Variants in PPFIA2 observed in about 807,000 individuals in gnomAD.
PPFIA2 encodes the protein liprin-alpha-2.
Under a neutral mutation model 175.5 loss-of-function variants are expected in PPFIA2, and 46 were observed. The observed-to-expected ratio is 0.26, with a 90% CI of 0.21 to 0.34. PPFIA2 has a LOEUF of 0.34. Ranked by LOEUF, PPFIA2 falls within the 10% of genes least tolerant of loss-of-function variation. The probability of loss-of-function intolerance (pLI) is 1.00; values close to 1 mark genes in which losing one functional copy is unlikely to be tolerated. For missense variants in PPFIA2, 1,179 were observed against 1,506.1 expected (o/e 0.78, Z 3.60); for synonymous variants, 568 against 511.4 (o/e 1.11, Z -1.49).
At chr12:81,604,758 T>C (rs918630637) in intron 4 of PPFIA2, among the ~76,000 whole-genome samples, 1 of 151,764 alleles carries the variant, frequency 6.6e-6, no homozygotes, top group African/African-American at 2.4e-5. Context: ...TCTTAAGATG[T>C]ATCTTTTCCA....
At chr12:81,405,322 A>G (rs2142903631) in intron 8 of PPFIA2, among the ~76,000 whole-genome samples, 1 of 152,152 alleles carries the variant, frequency 6.6e-6, no homozygotes, top group South Asian at 2.1e-4. Context: ...ATTACCAACA[A>G]TTTTCGCAGT....
At chr12:81,728,260 G>C (rs1258324680) in intron 3 of PPFIA2, among the ~76,000 whole-genome samples, 1 of 151,280 alleles carries the variant, frequency 6.6e-6, no homozygotes, top group Non-Finnish European at 1.5e-5. Context: ...GGCTAAGAAT[G>C]GTTGAGAGTA....
intron 4 of PPFIA2, among the ~76,000 whole-genome samples, chr12:81,460,167 G>A (rs567255424): frequency 6.6e-6 from 1 of 152,202 alleles, no homozygotes; most frequent in South Asian, 2.1e-4. Flanking sequence ...ATCCCCACGT[G>A]TCAAGGGCAG....
At chr12:81,575,883 G>A (rs1213275535) in intron 4 of PPFIA2, among the ~76,000 whole-genome samples, 2 of 151,720 alleles carry the variant, frequency 1.3e-5, no homozygotes, top group African/African-American at 2.4e-5. Context: ...GTTGACAAAG[G>A]TCCATACTCC....
At chr12:81,405,114 C>A (rs755419526) in intron 8 of PPFIA2, among the ~76,000 whole-genome samples, 6 of 152,132 alleles carry the variant, frequency 3.9e-5, no homozygotes, top group African/African-American at 7.2e-5. Flanking sequence ...AGCACAGACA[C>A]CTTTTGTCTT....
At chr12:81,626,062 A>G (rs2062666148) in intron 4 of PPFIA2, among the ~76,000 whole-genome samples, 1 of 151,740 alleles carries the variant, frequency 6.6e-6, no homozygotes, top group African/African-American at 2.4e-5. Flanking sequence ...CAAAATATAT[A>G]AAGCTCATAT....
intron 20 of PPFIA2, 84 bp from the exon 21 acceptor site, chr12:81,339,418 G>A: frequency 9.4e-7 from 1 of 1,064,468 alleles, no homozygotes; most frequent in Non-Finnish European, 1.2e-6. Flanking sequence ...ACCAAAGGAG[G>A]AACAAGCAGA....
chr12:81,270,861 T>C (rs2038886117), intron 28 of PPFIA2: 1 of 152,224 alleles, frequency 6.6e-6, no homozygotes, highest in Non-Finnish European at 1.5e-5. Flanking sequence ...TTTGTCAGTT[T>C]TTACTTTCCA....
chr12:81,461,325 A>C (rs1270336667), intron 4 of PPFIA2, among the ~76,000 whole-genome samples: 1 of 152,078 alleles, frequency 6.6e-6, no homozygotes, highest in Non-Finnish European at 1.5e-5. Flanking sequence ...ACCCACTTTG[A>C]TTCTAAAACG....
chr12:81,466,496 C>G (rs928901494), intron 4 of PPFIA2, among the ~76,000 whole-genome samples: 2 of 152,100 alleles, frequency 1.3e-5, no homozygotes, highest in Non-Finnish European at 1.5e-5. Flanking sequence ...GGCTGTCTGT[C>G]CATCAAGCCA....
chr12:81,652,754 T>C (rs568861463), intron 4 of PPFIA2, among the ~76,000 whole-genome samples: 83 of 152,196 alleles, frequency 5.5e-4, no homozygotes, highest in Admixed American at 5.0e-3. Context: ...GGTCTCACTA[T>C]TCCCATATCA....
chr12:81,447,565 T>C (rs185348381), intron 5 of PPFIA2, among the ~76,000 whole-genome samples: 1 of 152,304 alleles, frequency 6.6e-6, no homozygotes, highest in Non-Finnish European at 1.5e-5. Flanking sequence ...AGTTTCTCCT[T>C]TTCCCCACCT....
At chr12:81,594,963 C>T (rs1031461145) in intron 4 of PPFIA2, among the ~76,000 whole-genome samples, 2 of 151,862 alleles carry the variant, frequency 1.3e-5, no homozygotes, top group African/African-American at 2.4e-5. Flanking sequence ...TTGCTAGCAA[C>T]TACTGACAAA....
intron 18 of PPFIA2, among the ~76,000 whole-genome samples, chr12:81,346,647 T>C (rs141438997): frequency 6.6e-6 from 1 of 151,564 alleles, no homozygotes; most frequent in East Asian, 1.9e-4. Flanking sequence ...AATAAGGAAT[T>C]AATGTATACA....
chr12:81,466,093 G>A (rs948835469), intron 4 of PPFIA2, among the ~76,000 whole-genome samples: 3 of 152,014 alleles, frequency 2.0e-5, no homozygotes, highest in African/African-American at 7.2e-5. Context: ...AGGTAGAATC[G>A]CCTGCATAAC....
At chr12:81,327,540 A>G (rs962162135) in intron 21 of PPFIA2, among the ~76,000 whole-genome samples, 78 of 152,244 alleles carry the variant, frequency 5.1e-4, no homozygotes, top group Non-Finnish European at 2.5e-4. Flanking sequence ...AATGTAAATG[A>G]AAATGAATGA....
chr12:81,758,368 G>C (rs1290230985), intron 2 of PPFIA2, 32 bp downstream of exon 2: 2 of 456,166 alleles, frequency 4.4e-6, no homozygotes, highest in Non-Finnish European at 8.8e-6. Flanking sequence ...ACAGCGAAAG[G>C]AGACAGTAAA....
intron 21 of PPFIA2, among the ~76,000 whole-genome samples, chr12:81,328,066 C>T (rs1455606149): frequency 6.6e-6 from 1 of 152,016 alleles, no homozygotes; most frequent in African/African-American, 2.4e-5. Context: ...TATTTTCAGC[C>T]CAATTAAAAC....
intron 5 of PPFIA2, among the ~76,000 whole-genome samples, chr12:81,450,024 C>T (rs2052213932): frequency 6.6e-6 from 1 of 152,030 alleles, no homozygotes; most frequent in African/African-American, 2.4e-5. Context: ...CACATTTTCT[C>T]AATCCAGTCT....
Sources: allele counts gnomAD v4.1 joint callset (sites outside exome capture counted in the v4.1 genomes callset), GRCh38; gene constraint gnomAD v4.1.1; transcripts MANE v1.5; gene names NCBI Gene and HGNC (gene_info 2026-07-23, HGNC 2026-07-21).